Variants in ARHGAP42 observed in about 807,000 individuals in gnomAD.
ARHGAP42 encodes the protein rho GTPase-activating protein 42.
In ARHGAP42, 63 loss-of-function variants were observed where a neutral mutation model predicts 125.0. The observed-to-expected ratio is 0.50, with a 90% CI of 0.41 to 0.62. The LOEUF is 0.62. Ranked by LOEUF, ARHGAP42 falls within the 20% of genes least tolerant of loss-of-function variation. ARHGAP42 has a pLI of 0.00. For missense variants in ARHGAP42, 766 were observed against 1,024.2 expected (o/e 0.75, Z 3.44); for synonymous variants, 339 against 351.0 (o/e 0.97, Z 0.38).
At chr11:100,778,906 C>G (rs533151227) in intron 2 of ARHGAP42, among the ~76,000 whole-genome samples, 1 of 151,882 alleles carries the variant, frequency 6.6e-6, no homozygotes, top group Non-Finnish European at 1.5e-5. Flanking sequence ...TTTGTTCTGC[C>G]CAACAAAAAA....
intron 17 of ARHGAP42, 21 bp downstream of exon 17, chr11:100,965,797 G>T: frequency 6.6e-7 from 1 of 1,524,988 alleles, no homozygotes; most frequent in Non-Finnish European, 8.9e-7. Flanking sequence ...AACTTACATT[G>T]TTCATTTAAC....
At chr11:100,747,156 T>C (rs1862323769) in intron 1 of ARHGAP42, among the ~76,000 whole-genome samples, 1 of 152,252 alleles carries the variant, frequency 6.6e-6, no homozygotes, top group Non-Finnish European at 1.5e-5. Flanking sequence ...GAGGATAAAC[T>C]AAGTATATAA....
At position 100,756,846 on chromosome 11, in the gene ARHGAP42, A is replaced by G. The variant is rs557015075; in HGVS notation, c.155-13497A>G. The stretch of plus-strand genomic sequence containing the variant: ...GTGTACAGATCATTGAAGTGCATAC[A>G]TGTTAATGGCTCAAATAAACAGCAT... On this transcript the variant is annotated intron_variant, in intron 1 of 23. Coordinates refer to ENST00000298815, the MANE Select transcript of ARHGAP42 (RefSeq NM_152432.4). Among the ~76,000 whole-genome samples, 20 of 152,348 alleles carry G rather than the reference A, an allele frequency of 1.3e-4. No homozygotes were observed. The South Asian group carries it at 3.7e-3, about 28-fold the overall frequency.
chr11:100,798,537 G>A (rs1324864510), intron 3 of ARHGAP42, among the ~76,000 whole-genome samples: 1 of 152,052 alleles, frequency 6.6e-6, no homozygotes, highest in African/African-American at 2.4e-5. Flanking sequence ...TTTAAATTAA[G>A]GTATGTACAC....
intron 3 of ARHGAP42, among the ~76,000 whole-genome samples, chr11:100,846,644 T>C (rs1307977962): frequency 6.6e-6 from 1 of 152,140 alleles, no homozygotes; most frequent in African/African-American, 2.4e-5. Flanking sequence ...TTCTCAAAAA[T>C]ACTCATAATC....
At chr11:100,942,000 A>G in intron 9 of ARHGAP42, 116 bp downstream of exon 9, 1 of 801,182 alleles carries the variant, frequency 1.2e-6, no homozygotes, top group Non-Finnish European at 2.0e-6. Context: ...TTACAAAAAA[A>G]TAGAAGGTCA....
chr11:100,988,468 T>C (rs1269193105), intron 23 of ARHGAP42, among the ~76,000 whole-genome samples: 1 of 152,168 alleles, frequency 6.6e-6, no homozygotes, highest in Admixed American at 6.5e-5. Flanking sequence ...GTAAAAGGAA[T>C]TACAAATAAT....
At position 100,799,281 on chromosome 11, in the gene ARHGAP42, A is replaced by T. The variant is rs571514402; in HGVS notation, c.312+4115A>T. On this transcript the variant is annotated intron_variant, in intron 3 of 23. Transcript: ENST00000298815. ...ATTCATTTAGGAAACATTAGCCTACATGGGTCTAGTCCCAGTGCCAGAGAG... is the reference window on the plus strand; with the variant it reads ...ATTCATTTAGGAAACATTAGCCTACTTGGGTCTAGTCCCAGTGCCAGAGAG... 3.9e-5 allele frequency among the ~76,000 whole-genome samples: 6 copies of T among 152,332 alleles called. No individual in the cohort carries two copies. In the South Asian group the frequency reaches 1.2e-3, roughly 32 times the overall value.
chr11:100,780,023 C>G (rs1863264029), intron 2 of ARHGAP42, among the ~76,000 whole-genome samples: 1 of 150,202 alleles, frequency 6.7e-6, no homozygotes, highest in African/African-American at 2.5e-5. Flanking sequence ...GAGACTCCAT[C>G]TCAAAAACTA....
intron 2 of ARHGAP42, among the ~76,000 whole-genome samples, chr11:100,792,496 A>G (rs1863588756): frequency 6.6e-6 from 1 of 152,126 alleles, no homozygotes; most frequent in African/African-American, 2.4e-5. Context: ...TGCTATTTTT[A>G]GAATTTGTTT....
Position 100,711,503 on chromosome 11 carries a change from C to T in ARHGAP42, c.154+23671C>T, listed in dbSNP as rs150353389. 2.7e-3 allele frequency among the ~76,000 whole-genome samples: 406 copies of T among 152,078 alleles called. 2 individuals are homozygous for T. Among genetic ancestry groups the T allele is most frequent in the Non-Finnish European group, 5.0e-3 (338 of 68,000 alleles). ...CCAAGTAGCTGGGACTACAGGTGCA[C>T]ACTACCATGCCCAGATAATTTTTTG... On this transcript the variant is annotated intron_variant, in intron 1 of 23. Coordinates refer to ENST00000298815, the MANE Select transcript of ARHGAP42 (RefSeq NM_152432.4).
Position 100,956,554 on chromosome 11 carries a change from A to G in ARHGAP42, c.1163-3329A>G, listed in dbSNP as rs565644917. Among the ~76,000 whole-genome samples, 49 of 150,516 alleles carry G rather than the reference A, an allele frequency of 3.3e-4. No individual in the cohort carries two copies. The South Asian group carries it at 4.9e-3, about 15-fold the overall frequency. ...CACTTCTGTTCATATTTCATTGTTA[A>G]TGTGTATCACATGACCAAGCCTGGC... On this transcript the variant is annotated intron_variant, in intron 12 of 23. Coordinates refer to ENST00000298815, the MANE Select transcript of ARHGAP42 (RefSeq NM_152432.4).
At chr11:100,943,399 C>G (rs1053297157) in intron 9 of ARHGAP42, among the ~76,000 whole-genome samples, 3 of 151,922 alleles carry the variant, frequency 2.0e-5, no homozygotes, top group East Asian at 3.9e-4. Flanking sequence ...AACAAGCACT[C>G]TGTATATCCA....
intron 3 of ARHGAP42, among the ~76,000 whole-genome samples, chr11:100,832,279 G>A (rs986833151): frequency 6.6e-6 from 1 of 152,210 alleles, no homozygotes; most frequent in African/African-American, 2.4e-5. Context: ...TTTCCTGACT[G>A]CTGTCCTACA....
At chr11:100,881,953 A>G (rs1865972998) in intron 4 of ARHGAP42, among the ~76,000 whole-genome samples, 1 of 152,220 alleles carries the variant, frequency 6.6e-6, no homozygotes, top group East Asian at 1.9e-4. Flanking sequence ...ATTTGTGTAC[A>G]TTAATTTGCT....
chr11:100,869,114 T>A (rs1285607705), intron 4 of ARHGAP42, among the ~76,000 whole-genome samples: 3 of 152,024 alleles, frequency 2.0e-5, no homozygotes, highest in Admixed American at 2.0e-4. Context: ...TGTTGGTTTT[T>A]GAATATTGAT....
chr11:100,931,767 C>T (rs1027727015), intron 6 of ARHGAP42, among the ~76,000 whole-genome samples: 8 of 152,034 alleles, frequency 5.3e-5, no homozygotes, highest in African/African-American at 1.9e-4. Flanking sequence ...ACATGCAAAC[C>T]TTTATTAAAG....
chr11:100,722,074 A>G (rs1009640745), intron 1 of ARHGAP42, among the ~76,000 whole-genome samples: 1 of 152,172 alleles, frequency 6.6e-6, no homozygotes, highest in Non-Finnish European at 1.5e-5. Context: ...AATGAGTAAG[A>G]GTTCCTGTTG....
In ARHGAP42 at chr11:100,701,615, G is replaced by A. The variant is rs185689957; in HGVS notation, c.154+13783G>A. Among the ~76,000 whole-genome samples the A allele has an allele frequency of 3.5e-3, 526 of 152,180 alleles. 1 individual carries two copies. Among genetic ancestry groups the A allele is most frequent in the Non-Finnish European group, 4.8e-3 (327 of 68,004 alleles). On this transcript the variant is annotated intron_variant, in intron 1 of 23. Coordinates refer to ENST00000298815, the MANE Select transcript of ARHGAP42 (RefSeq NM_152432.4). ...TCTTACACCTCTTGAACCAACCTCC[G>A]CTCACTTCAAACTTTTCTTCTGCAG...
Sources: gnomAD v4.1 joint callset for allele counts (sites outside exome capture counted in the v4.1 genomes callset) on GRCh38, gnomAD v4.1.1 for gene constraint, MANE v1.5 for transcripts, NCBI Gene and HGNC (gene_info 2026-07-23, HGNC 2026-07-21) for gene names.